ARHGAP42: variants seen among roughly 807,000 people sequenced by gnomAD.
ARHGAP42 encodes Rho GTPase activating protein 42.
Under a neutral mutation model 125.0 loss-of-function variants are expected in ARHGAP42, and 63 were observed. The ratio of observed to expected loss-of-function variants is 0.50; its 90% CI spans 0.41 to 0.62. ARHGAP42 has a LOEUF of 0.62. Ranked by LOEUF, ARHGAP42 falls within the 20% of genes least tolerant of loss-of-function variation. The probability of loss-of-function intolerance (pLI) is 0.00; values close to 1 mark genes in which losing one functional copy is unlikely to be tolerated. For synonymous variants in ARHGAP42, 339 were observed against 351.0 expected, an observed-to-expected ratio of 0.97 and a Z score of 0.38; for missense variants, 766 against 1,024.2, an observed-to-expected ratio of 0.75 and a Z score of 3.44.
At chr11:100,848,016 A>C (rs1037776908) in intron 3 of ARHGAP42, among the ~76,000 whole-genome samples, 4 of 152,014 alleles carry the variant, frequency 2.6e-5, no homozygotes, top group African/African-American at 9.7e-5. Context: ...TGCTCCTTTT[A>C]CTCTGCAAAA....
intron 3 of ARHGAP42, among the ~76,000 whole-genome samples, chr11:100,830,353 A>C (rs1033898810): frequency 6.6e-6 from 1 of 152,198 alleles, no homozygotes; most frequent in Non-Finnish European, 1.5e-5. Context: ...CATATTGGCA[A>C]CCTGTGACTG....
At chr11:100,850,312 C>T (rs540900203) in intron 3 of ARHGAP42, among the ~76,000 whole-genome samples, 1 of 152,156 alleles carries the variant, frequency 6.6e-6, no homozygotes, top group Admixed American at 6.6e-5. Context: ...GGCTACAGAT[C>T]TATACAGGAT....
intron 1 of ARHGAP42, among the ~76,000 whole-genome samples, chr11:100,766,233 G>GTA (rs1487860912): frequency 6.6e-6 from 1 of 151,380 alleles, no homozygotes; most frequent in African/African-American, 2.4e-5. Flanking sequence ...GTGTGTGTGT[G>GTA]TGTGTGTGTG....
At chr11:100,793,178 C>T (rs1047257732) in intron 2 of ARHGAP42, among the ~76,000 whole-genome samples, 2 of 152,164 alleles carry the variant, frequency 1.3e-5, no homozygotes, top group Non-Finnish European at 2.9e-5. Flanking sequence ...GTTTTGTTGA[C>T]TTCTTCAAAC....
chr11:100,851,795 A>G (rs140283957), intron 3 of ARHGAP42, among the ~76,000 whole-genome samples: 63 of 152,330 alleles, frequency 4.1e-4, no homozygotes, highest in Admixed American at 3.3e-3. Flanking sequence ...AGGCAGTGGT[A>G]TGTTGGTAAA....
At chr11:100,831,373 G>A (rs546776128) in intron 3 of ARHGAP42, among the ~76,000 whole-genome samples, 1 of 152,290 alleles carries the variant, frequency 6.6e-6, no homozygotes, top group East Asian at 1.9e-4. Flanking sequence ...ATGAATAAAA[G>A]TAAAATTTTA....
chr11:100,848,232 G>A (rs777331328), intron 3 of ARHGAP42, among the ~76,000 whole-genome samples: 1 of 152,060 alleles, frequency 6.6e-6, no homozygotes, highest in Non-Finnish European at 1.5e-5. Context: ...TGAATTATCC[G>A]AGAACGTGCA....
intron 6 of ARHGAP42, among the ~76,000 whole-genome samples, chr11:100,927,358 C>T (rs17095808): frequency 0.14 from 21,557 of 151,940 alleles, 1,859 homozygotes; most frequent in East Asian, 0.25. Context: ...CATTGTTTTT[C>T]GAAACTCTGT....
chr11:100,968,656 A>G (rs947062793), intron 17 of ARHGAP42, among the ~76,000 whole-genome samples: 4 of 152,122 alleles, frequency 2.6e-5, no homozygotes, highest in African/African-American at 9.7e-5. Context: ...TACATTTATT[A>G]ACCTTCTTAC....
chr11:100,933,772 G>A (rs11224523), intron 7 of ARHGAP42, among the ~76,000 whole-genome samples: 2 of 151,684 alleles, frequency 1.3e-5, no homozygotes, highest in African/African-American at 2.4e-5. Context: ...CTGGAAATAA[G>A]GAAATAAGAC....
intron 9 of ARHGAP42, among the ~76,000 whole-genome samples, chr11:100,943,089 T>C (rs1867924216): frequency 6.6e-6 from 1 of 151,940 alleles, no homozygotes; most frequent in Non-Finnish European, 1.5e-5. Flanking sequence ...GAGAGTCAGT[T>C]TTAGTAGCGG....
chr11:100,770,461 G>GAACT, intron 2 of ARHGAP42, 23 bp downstream of exon 2: 2 of 1,438,822 alleles, frequency 1.4e-6, no homozygotes, highest in Non-Finnish European at 1.9e-6. Flanking sequence ...GTTTTAGAAA[G>GAACT]TTCTATTACT....
At chr11:100,976,633 G>A (rs1858398577) in intron 20 of ARHGAP42, among the ~76,000 whole-genome samples, 182 bp from the exon 21 acceptor site, 1 of 152,154 alleles carries the variant, frequency 6.6e-6, no homozygotes, top group Non-Finnish European at 1.5e-5. Flanking sequence ...GTGAAGTGAT[G>A]TCTTTGTAAT....
chr11:100,862,578 T>A (rs1170104702), intron 4 of ARHGAP42, among the ~76,000 whole-genome samples: 1 of 152,214 alleles, frequency 6.6e-6, no homozygotes, highest in East Asian at 1.9e-4. Flanking sequence ...AAGGTTAAAT[T>A]TGTGATGAAA....
intron 6 of ARHGAP42, among the ~76,000 whole-genome samples, chr11:100,930,753 T>C (rs1252117790): frequency 6.6e-6 from 1 of 152,222 alleles, no homozygotes; most frequent in Non-Finnish European, 1.5e-5. Flanking sequence ...AAAATCTGTG[T>C]CAAAATACGT....
chr11:100,915,757 C>G (rs1867045050), intron 5 of ARHGAP42, among the ~76,000 whole-genome samples: 1 of 152,114 alleles, frequency 6.6e-6, no homozygotes, highest in Admixed American at 6.6e-5. Flanking sequence ...CACTTCTTTT[C>G]CAGGAGATAC....
At chr11:100,778,911 A>C (rs1863198992) in intron 2 of ARHGAP42, among the ~76,000 whole-genome samples, 1 of 152,128 alleles carries the variant, frequency 6.6e-6, no homozygotes, top group Non-Finnish European at 1.5e-5. Context: ...TCTGCCCAAC[A>C]AAAAATAGCC....
At chr11:100,762,503 C>T (rs1862729046) in intron 1 of ARHGAP42, among the ~76,000 whole-genome samples, 2 of 152,200 alleles carry the variant, frequency 1.3e-5, no homozygotes, top group African/African-American at 2.4e-5. Flanking sequence ...AAACTTCCTT[C>T]AGCTCAACTC....
intron 12 of ARHGAP42, among the ~76,000 whole-genome samples, chr11:100,956,063 C>T (rs557189450): frequency 2.0e-5 from 3 of 150,024 alleles, no homozygotes; most frequent in South Asian, 4.1e-4. Flanking sequence ...GCTGGGTGCT[C>T]AAGTGAAGGC....
Sources: allele counts gnomAD v4.1 joint callset (sites outside exome capture counted in the v4.1 genomes callset), GRCh38; gene constraint gnomAD v4.1.1; transcripts MANE v1.5; gene names NCBI Gene and HGNC (gene_info 2026-07-23, HGNC 2026-07-21).